The following HTT variants were observed in gnomAD, a reference collection of about 807,000 sequenced individuals.
The protein encoded by HTT is huntingtin, also known as huntington disease protein.
A neutral mutation model predicts 362.3 loss-of-function variants in HTT; 104 were observed. That is an observed-to-expected ratio of 0.29 (90% CI 0.24 to 0.34). The LOEUF is 0.34. Among genes scored for constraint, HTT ranks in the 10% least tolerant of loss-of-function variants. HTT has a pLI of 1.00. For synonymous variants in HTT, 1,577 were observed against 1,548.7 expected (o/e 1.02, Z -0.43); for missense variants, 3,301 against 3,928.6 (o/e 0.84, Z 4.27).
At chr4:3,239,731 T>C (rs1721718606) in intron 66 of HTT, 115 bp from the exon 67 acceptor site, 3 of 812,332 alleles carry the variant, frequency 3.7e-6, no homozygotes, top group Non-Finnish European at 5.9e-6. Context: ...CTCTGCTCGC[T>C]CTCCAGGCTC....
intron 56 of HTT, among the ~76,000 whole-genome samples, chr4:3,224,367 A>G (rs1720811382): frequency 6.6e-6 from 1 of 152,244 alleles, no homozygotes; most frequent in South Asian, 2.1e-4. Context: ...ATGAGAAGCG[A>G]AAGAATTCTC....
intron 65 of HTT, 51 bp downstream of exon 65, chr4:3,238,660 T>G (rs749269415): frequency 9.1e-6 from 14 of 1,533,778 alleles, no homozygotes; most frequent in African/African-American, 1.4e-5. Flanking sequence ...GGAGGTGGAG[T>G]TGCCTCCGAC....
chr4:3,124,729 C>G (rs1715445762), intron 10 of HTT, among the ~76,000 whole-genome samples: 1 of 152,184 alleles, frequency 6.6e-6, no homozygotes, highest in Non-Finnish European at 1.5e-5. Flanking sequence ...GGCCAAGTTG[C>G]TGTGTTAATT....
At chr4:3,196,144 C>G (rs1386099119) in intron 40 of HTT, among the ~76,000 whole-genome samples, 1 of 152,178 alleles carries the variant, frequency 6.6e-6, no homozygotes, top group Non-Finnish European at 1.5e-5. Flanking sequence ...AGTGCCATGC[C>G]TTCTAAAGCT....
intron 33 of HTT, among the ~76,000 whole-genome samples, chr4:3,176,928 C>G (rs1295265241): frequency 2.6e-5 from 4 of 152,178 alleles, no homozygotes; most frequent in African/African-American, 9.7e-5. Flanking sequence ...TCCCATGCAG[C>G]CCTTACGTGT....
chr4:3,142,136 C>A (rs1251919547), intron 22 of HTT, among the ~76,000 whole-genome samples: 1 of 152,142 alleles, frequency 6.6e-6, no homozygotes, highest in South Asian at 2.1e-4. Flanking sequence ...GTGATAGATA[C>A]AATGACCAAT....
chr4:3,086,678 A>AT (rs1713225481), intron 1 of HTT, among the ~76,000 whole-genome samples: 1 of 152,186 alleles, frequency 6.6e-6, no homozygotes. Context: ...CTCTAAAAAA[A>AT]AGTAAAATAA....
intron 26 of HTT, 98 bp downstream of exon 26, chr4:3,148,305 T>C: frequency 1.1e-6 from 1 of 923,992 alleles, no homozygotes; most frequent in South Asian, 1.9e-5. Flanking sequence ...TATTCTCTTT[T>C]TGCTTTAAAT....
intron 41 of HTT, among the ~76,000 whole-genome samples, chr4:3,201,173 C>T (rs1263170128): frequency 1.3e-5 from 2 of 152,196 alleles, no homozygotes; most frequent in Non-Finnish European, 2.9e-5. Flanking sequence ...TTTCGTGACC[C>T]CCTCTGATCC....
At chr4:3,170,769 T>G (rs922742898) in intron 29 of HTT, among the ~76,000 whole-genome samples, 1 of 152,208 alleles carries the variant, frequency 6.6e-6, no homozygotes, top group African/African-American at 2.4e-5. Context: ...ATCACTGTCC[T>G]TCATTGCTCA....
chr4:3,081,097 G>C (rs951281146), intron 1 of HTT, among the ~76,000 whole-genome samples: 4 of 152,180 alleles, frequency 2.6e-5, no homozygotes, highest in African/African-American at 7.2e-5. Context: ...CGAATTGTAG[G>C]ATCAGCTTGT....
intron 1 of HTT, among the ~76,000 whole-genome samples, chr4:3,081,368 A>G (rs1712888667): frequency 6.6e-6 from 1 of 152,152 alleles, no homozygotes; most frequent in African/African-American, 2.4e-5. Flanking sequence ...AATTTTATTA[A>G]TGACAAGGAA....
Position 3,206,614 on chromosome 4 carries a change from A to G in HTT, c.5837A>G (p.Asn1946Ser). Residue 1946 changes from asparagine to serine, a missense_variant, in exon 43 of 67, where the codon AAC (asparagine) becomes AGC (serine). Asn to Ser is a conservative substitution (Grantham distance 46, BLOSUM62 1). Coordinates refer to ENST00000355072, the MANE Select transcript of HTT (RefSeq NM_001388492.1). The surrounding 1 kb of genome is among the most constrained non-coding windows in gnomAD (Gnocchi z 4.6). Reference sequence around the variant, plus strand: ...GACTTCATCAGTGCCGTTCATCGGAACTCTGCTGCCAGCGGCCTGTTCATC... The same window carrying G: ...GACTTCATCAGTGCCGTTCATCGGAGCTCTGCTGCCAGCGGCCTGTTCATC... ...VQDFISAVHR[N>S]SAASGLFIQA... 1.9e-6 allele frequency: 3 copies of G among 1,613,972 alleles called. No homozygotes were observed. The highest frequency in any genetic ancestry group is 1.7e-6 in the Non-Finnish European group (2 of 1,179,996).
Position 3,146,861 on chromosome 4 carries a change from A to C in HTT, c.3208A>C (p.Ile1070Leu). The C allele has an allele frequency of 6.2e-7, 1 of 1,614,140 alleles. No homozygotes were observed. The highest frequency in any genetic ancestry group is 8.5e-7 in the Non-Finnish European group (1 of 1,179,982). Residue 1070 changes from isoleucine (I) to leucine (L), a missense_variant, in exon 25 of 67, where the codon ATT becomes CTT. By Grantham distance (5) the Ile-to-Leu change is conservative. Coordinates refer to ENST00000355072, the MANE Select transcript of HTT (RefSeq NM_001388492.1). ...KSCTVGMATMILTLLSSAWFP... is the reference protein window; with the variant it reads ...KSCTVGMATMLLTLLSSAWFP... The stretch of plus-strand genomic sequence containing the variant: ...CTGTACCGTTGGGATGGCCACAATG[A>C]TTCTGACCCTGCTCTCGTCAGCTTG...
Position 3,165,473 on chromosome 4 carries a change from G to A in HTT, c.3864+5081G>A, listed in dbSNP as rs1042078773. On this transcript the variant is annotated intron_variant, in intron 29 of 66. Coordinates refer to ENST00000355072, the MANE Select transcript of HTT (RefSeq NM_001388492.1). Reference sequence around the variant, plus strand: ...ATGTTGGTCTGCCTTGCTAGGTTGGGGAAGTTCTCCTGGATAATATCCTGA... The same window carrying A: ...ATGTTGGTCTGCCTTGCTAGGTTGGAGAAGTTCTCCTGGATAATATCCTGA... Among the ~76,000 whole-genome samples, 6 of 152,146 alleles carry A rather than the reference G, an allele frequency of 3.9e-5. No homozygotes were observed. The East Asian group carries it at 9.7e-4, about 25-fold the overall frequency.
chr4:3,176,877 A>G lies in HTT; in HGVS notation c.4408-455A>G, dbSNP rs144833202. 1.6e-3 allele frequency among the ~76,000 whole-genome samples: 244 copies of G among 152,346 alleles called. 2 individuals carry two copies. Among genetic ancestry groups the G allele is most frequent in the Admixed American group, 2.9e-3 (45 of 15,304 alleles). On this transcript the variant is annotated intron_variant, in intron 33 of 66. Coordinates refer to ENST00000355072, the MANE Select transcript of HTT (RefSeq NM_001388492.1). ...TGGAAGCTCCCCGTCAGGTTGGGAA[A>G]GCTGACAGCTGCAGGGAATACAGTG... is the stretch of plus-strand genomic sequence containing the variant.
intron 15 of HTT, 67 bp downstream of exon 15, chr4:3,131,464 C>A: frequency 6.8e-7 from 1 of 1,473,292 alleles, no homozygotes; most frequent in Non-Finnish European, 9.5e-7. Flanking sequence ...GCTTGGTGGC[C>A]TGTTTTTGCC....
intron 54 of HTT, among the ~76,000 whole-genome samples, chr4:3,223,093 G>T (rs972254127): frequency 1.3e-5 from 2 of 152,182 alleles, no homozygotes; most frequent in Non-Finnish European, 2.9e-5. Context: ...AGCTAACAGG[G>T]TGTCATAAGC....
chr4:3,150,935 A>G (rs1219840566), intron 26 of HTT, among the ~76,000 whole-genome samples: 1 of 152,096 alleles, frequency 6.6e-6, no homozygotes, highest in Admixed American at 6.6e-5. Flanking sequence ...GCTACCTGGG[A>G]GGCTGATGCA....
Sources: gnomAD v4.1 joint callset for allele counts (sites outside exome capture counted in the v4.1 genomes callset) on GRCh38, gnomAD v4.1.1 for gene constraint, Gnocchi (gnomAD v3.1) non-coding constraint, MANE v1.5 for transcripts, NCBI Gene and HGNC (gene_info 2026-07-23, HGNC 2026-07-21) for gene names.